Variants in SIPA1L1 observed in about 807,000 individuals in gnomAD.
The protein encoded by SIPA1L1 is signal-induced proliferation-associated 1-like protein 1.
Under a neutral mutation model 162.7 loss-of-function variants are expected in SIPA1L1, and 26 were observed. The ratio of observed to expected loss-of-function variants is 0.16; its 90% confidence interval spans 0.12 to 0.22. SIPA1L1 has a LOEUF of 0.22. Ranked by LOEUF, SIPA1L1 falls within the 10% of genes least tolerant of loss-of-function variation. The probability of loss-of-function intolerance (pLI) is 1.00; values close to 1 mark genes in which losing one functional copy is unlikely to be tolerated. For synonymous variants in SIPA1L1, 829 were observed against 837.4 expected (o/e 0.99, Z 0.17); for missense variants, 1,874 against 2,241.0 (o/e 0.84, Z 3.31).
intron 2 of SIPA1L1, among the ~76,000 whole-genome samples, chr14:71,412,881 T>C (rs1032815265): frequency 2.6e-5 from 4 of 152,232 alleles, no homozygotes; most frequent in African/African-American, 9.6e-5. Context: ...ATTGGGCATG[T>C]GTGTGGGTAT....
chr14:71,480,789 AC>A (rs1388960294), intron 2 of SIPA1L1, among the ~76,000 whole-genome samples: 1 of 152,178 alleles, frequency 6.6e-6, no homozygotes, highest in Non-Finnish European at 1.5e-5. Flanking sequence ...AAACAAAAAA[AC>A]AAAGGTCATT....
At position 71,618,879 on chromosome 14, in the gene SIPA1L1, A is replaced by G; in HGVS notation, c.1621A>G (p.Thr541Ala). ...SPYNYRIIFR[T>A]SELMTLRGSV... is the part of the protein sequence containing the mutation. ...GTACAACTACCGAATAATTTTTAGA[A>G]CTAGTGAGGTAAGTCGCAAATGAGA... The change falls in exon 6 of 24, where the codon ACT (threonine) becomes GCT (alanine). Residue 541 changes from threonine to alanine, a missense_variant. Physicochemically the swap from Thr to Ala is moderately conservative, Grantham distance 58. Coordinates refer to ENST00000381232, the MANE Select transcript of SIPA1L1 (RefSeq NM_001386936.1). The G allele has an allele frequency of 6.2e-7, 1 of 1,613,454 alleles. No homozygotes were observed. Among genetic ancestry groups the G allele is most frequent in the Non-Finnish European group, 8.5e-7 (1 of 1,179,714 alleles).
chr14:71,441,928 T>G (rs1398786913), intron 2 of SIPA1L1, among the ~76,000 whole-genome samples: 1 of 152,012 alleles, frequency 6.6e-6, no homozygotes, highest in Non-Finnish European at 1.5e-5. Context: ...TCCCAGCACT[T>G]TGGGAGGCCA....
rs1465338433 is a variant in SIPA1L1 at position 71,446,911 on chromosome 14, T to TG, written c.-464-65832_-464-65831insG. ...TGGGCTCTGTTTTTTTTTTTGTTTT[T>TG]TTTTTTTTTTTTTTTTTTGAGACAG... On this transcript the variant is annotated intron_variant, in intron 2 of 23. Coordinates refer to ENST00000381232, the MANE Select transcript of SIPA1L1 (RefSeq NM_001386936.1). 3.9e-4 allele frequency among the ~76,000 whole-genome samples: 49 copies of TG among 127,136 alleles called. 1 individual carries two copies. The highest frequency in any genetic ancestry group is 6.2e-4 in the Non-Finnish European group (38 of 60,946). 83.4% of individuals were successfully genotyped at this position (127,136 alleles called of 152,430 possible). A position where few individuals can be genotyped will look rare whatever the true frequency, so the allele number is the denominator to read the frequency against.
At chr14:71,539,753 T>G (rs1187458209) in intron 4 of SIPA1L1, among the ~76,000 whole-genome samples, 1 of 152,214 alleles carries the variant, frequency 6.6e-6, no homozygotes. Context: ...TGAAGAGCTC[T>G]TCCCATGGAG....
chr14:71,437,200 T>A (rs57616541), intron 2 of SIPA1L1, among the ~76,000 whole-genome samples: 3,222 of 152,080 alleles, frequency 0.021, 112 homozygotes, highest in African/African-American at 0.073. Flanking sequence ...CATCTGCTTT[T>A]AAAAAAAAGT....
At chr14:71,355,914 T>C (rs2037196642) in intron 2 of SIPA1L1, among the ~76,000 whole-genome samples, 2 of 152,112 alleles carry the variant, frequency 1.3e-5, no homozygotes, top group Admixed American at 6.5e-5. Context: ...AGAGTTATTC[T>C]AGTAGTGTAA....
At chr14:71,516,984 CA>C (rs1287297343) in intron 3 of SIPA1L1, among the ~76,000 whole-genome samples, 2 of 152,050 alleles carry the variant, frequency 1.3e-5, no homozygotes, top group African/African-American at 2.4e-5. Flanking sequence ...AACAAACAAA[CA>C]AAACAAAAAC....
intron 2 of SIPA1L1, among the ~76,000 whole-genome samples, chr14:71,459,101 A>G (rs2046395800): frequency 6.6e-6 from 1 of 151,802 alleles, no homozygotes; most frequent in African/African-American, 2.4e-5. Context: ...TCAGCAATAG[A>G]TGTTTTTTGT....
intron 13 of SIPA1L1, among the ~76,000 whole-genome samples, chr14:71,693,055 C>G (rs1054617415): frequency 3.3e-5 from 5 of 152,180 alleles, no homozygotes; most frequent in African/African-American, 1.2e-4. Flanking sequence ...TTCAGCATCC[C>G]TTACCCAAAA....
At chr14:71,671,789 T>C in intron 11 of SIPA1L1, 97 bp downstream of exon 11, 2 of 875,862 alleles carry the variant, frequency 2.3e-6, no homozygotes, top group South Asian at 1.8e-5. Flanking sequence ...GCTCTGTTAT[T>C]AGCTCCTCTG....
intron 2 of SIPA1L1, among the ~76,000 whole-genome samples, chr14:71,431,106 A>G (rs2043953827): frequency 6.6e-6 from 1 of 152,234 alleles, no homozygotes; most frequent in Non-Finnish European, 1.5e-5. Context: ...AATTAAATGC[A>G]CGATATGCTT....
At chr14:71,400,933 G>A (rs1416337932) in intron 2 of SIPA1L1, 5 of 152,078 alleles carry the variant, frequency 3.3e-5, no homozygotes, top group Non-Finnish European at 7.4e-5. Context: ...GTAGTAGAGT[G>A]GTGGTTTCCT....
intron 8 of SIPA1L1, 37 bp from the exon 9 acceptor site, chr14:71,658,296 T>G: frequency 1.0e-6 from 1 of 980,556 alleles, no homozygotes; most frequent in Middle Eastern, 2.1e-4. Flanking sequence ...TTTTTCCTGT[T>G]ATAGTCATCT....
chr14:71,631,310 T>A (rs1347058048), intron 7 of SIPA1L1, among the ~76,000 whole-genome samples: 1 of 152,216 alleles, frequency 6.6e-6, no homozygotes, highest in African/African-American at 2.4e-5. Context: ...ATTTTTGAGA[T>A]TTTTTTCGTC....
rs761653010 is a variant in SIPA1L1 at position 71,730,065 on chromosome 14, T to A, written c.4625T>A (p.Leu1542His). The A allele has an allele frequency of 2.1e-5, 34 of 1,613,736 alleles. No homozygotes were observed. The Admixed American group carries it at 2.8e-4, about 13-fold the overall frequency. The change falls in exon 20 of 24, where the codon CTC (leucine) becomes CAC (histidine). Residue 1542 changes from leucine to histidine, a missense_variant. By Grantham distance (99) the Leu-to-His change is moderately conservative. Coordinates refer to ENST00000381232, the MANE Select transcript of SIPA1L1 (RefSeq NM_001386936.1). ...ESQKSFKFHA[L>H]SSPQSPFPST... ...GATCCTGTTTTTCAGTTCCACGCACTCTCCTCTCCTCAGTCTCCTTTCCCC... is the reference window on the plus strand; with the variant it reads ...GATCCTGTTTTTCAGTTCCACGCACACTCCTCTCCTCAGTCTCCTTTCCCC...
intron 5 of SIPA1L1, among the ~76,000 whole-genome samples, chr14:71,593,752 A>G (rs1369584896): frequency 1.3e-5 from 2 of 152,140 alleles, no homozygotes; most frequent in Non-Finnish European, 1.5e-5. Flanking sequence ...AGAGGAATGC[A>G]TTAATGAAGA....
Position 71,699,143 on chromosome 14 carries a change from T to G in SIPA1L1, c.3521+16T>G, listed in dbSNP as rs1351242795. The G allele has an allele frequency of 6.2e-7, 1 of 1,613,380 alleles. No homozygotes were observed. The highest frequency in any genetic ancestry group is 8.5e-7 in the Non-Finnish European group (1 of 1,179,408). ...TGCCCGAAGGGTAGTTATGCGTTTG[T>G]CCCATTGTACATGGTCCCTGTTGGC... On this transcript the variant is annotated intron_variant, in intron 14 of 23. Coordinates refer to ENST00000381232, the MANE Select transcript of SIPA1L1 (RefSeq NM_001386936.1).
chr14:71,668,436 C>T (rs1420706500), intron 10 of SIPA1L1, among the ~76,000 whole-genome samples: 2 of 152,176 alleles, frequency 1.3e-5, no homozygotes, highest in East Asian at 1.9e-4. Flanking sequence ...AGCTGCTCAA[C>T]CGGAGGTTCA....
Sources: gnomAD v4.1 joint callset for allele counts (sites outside exome capture counted in the v4.1 genomes callset) on GRCh38, gnomAD v4.1.1 for gene constraint, MANE v1.5 for transcripts, NCBI Gene and HGNC (gene_info 2026-07-23, HGNC 2026-07-21) for gene names.